Variants in YJU2 observed in about 807,000 individuals in gnomAD.
YJU2 encodes the protein YJU2 splicing factor homolog.
In YJU2, 28 loss-of-function variants were observed where a neutral mutation model predicts 39.6. The ratio of observed to expected loss-of-function variants is 0.71; its 90% CI spans 0.52 to 0.97. The LOEUF is 0.97. Among genes scored for constraint, YJU2 ranks in the 50% least tolerant of loss-of-function variants. The pLI is 0.00. For missense variants in YJU2, 328 were observed against 430.4 expected (o/e 0.76, Z 2.11); for synonymous variants, 184 against 182.4 (o/e 1.01, Z -0.07).
chr19:4,258,135 G>A, intron 4 of YJU2, 107 bp from the exon 5 acceptor site: 3 of 1,456,022 alleles, frequency 2.1e-6, no homozygotes, highest in East Asian at 2.5e-5. Flanking sequence ...ATGGAAACGT[G>A]GGGGTAGGGG....
intron 6 of YJU2, among the ~76,000 whole-genome samples, chr19:4,266,740 G>A (rs754232335): frequency 1.3e-5 from 2 of 152,190 alleles, no homozygotes; most frequent in Non-Finnish European, 2.9e-5. Context: ...CCAGCTCTTT[G>A]GGACGCTGAG....
chr19:4,268,597 C>T lies in YJU2; in HGVS notation c.873C>T (p.Asn291=). 1 of 1,612,436 alleles carries T rather than the reference C, an allele frequency of 6.2e-7. No homozygotes were observed. The highest frequency in any genetic ancestry group is 8.5e-7 in the Non-Finnish European group (1 of 1,179,194). Residue 291 remains asparagine (N), a synonymous_variant, in exon 8 of 8, where the codon AAC becomes AAT. Transcript: ENST00000262962. The part of the protein sequence containing the change: ...QAAPTPGAPQ[N]RKEANPTPLT... ...CTCTCCCACCAGGAGCCCCGCAGAACAGGAAGGAGGCCAACCCTACACCCC... is the reference window on the plus strand; with the variant it reads ...CTCTCCCACCAGGAGCCCCGCAGAATAGGAAGGAGGCCAACCCTACACCCC...
Position 4,258,222 on chromosome 19 carries a change from C to G in YJU2, c.406-20C>G. On this transcript the variant is annotated intron_variant, in intron 4 of 7. Transcript: ENST00000262962. ...GGTGCGATCCCCATGCACTCAGCCC[C>G]GCCGCCCCGCGCCCGCCAGGTGCTG... 6.5e-7 allele frequency: 1 copy of G among 1,549,642 alleles called. No homozygotes were observed.
At chr19:4,247,600 T>C (rs746664374) in intron 1 of YJU2, among the ~76,000 whole-genome samples, 15,494 of 26,890 alleles carry the variant, frequency 0.58, 4,716 homozygotes, top group African/African-American at 0.72. Context: ...TGTGTGTGTG[T>C]GTGTGTGTGT....
chr19:4,251,262 C>A, intron 3 of YJU2, 91 bp downstream of exon 3: 1 of 1,219,634 alleles, frequency 8.2e-7, no homozygotes, highest in Non-Finnish European at 1.2e-6. Flanking sequence ...CAATCCTCTC[C>A]ATCCAGGGAA....
intron 5 of YJU2, among the ~76,000 whole-genome samples, chr19:4,258,792 G>T (rs1046301118): frequency 6.6e-6 from 1 of 152,168 alleles, no homozygotes; most frequent in South Asian, 2.1e-4. Context: ...CGAGAAAGGC[G>T]CCATCACTAG....
At chr19:4,254,008 C>G (rs549582834) in intron 3 of YJU2, among the ~76,000 whole-genome samples, 76 of 152,212 alleles carry the variant, frequency 5.0e-4, no homozygotes, top group Admixed American at 7.9e-4. Context: ...CAGGGTTTCT[C>G]CATGTTGGCC....
intron 1 of YJU2, among the ~76,000 whole-genome samples, chr19:4,248,689 C>T (rs950900848): frequency 9.2e-5 from 14 of 152,134 alleles, no homozygotes; most frequent in Non-Finnish European, 1.6e-4. Flanking sequence ...GAGGCCAAGG[C>T]AGGTGGATCA....
chr19:4,258,344 G>A lies in YJU2; in HGVS notation c.508G>A (p.Glu170Lys). ...LNQRQAHVDF[E>K]AMLRQHRLSE... ...CCAGCGGCAGGCGCACGTGGACTTC[G>A]AGGCTATGCTGAGGCAGCACCGCCT... The change falls in exon 5 of 8, where the codon GAG (glutamate) becomes AAG (lysine). Residue 170 changes from glutamate to lysine, a missense_variant. By Grantham distance (56) the Glu-to-Lys change is moderately conservative. Around this residue, in one of 2 missense-constraint regions of YJU2, gnomAD observed 244 missense variants for 264.6 expected, o/e 0.92. Coordinates refer to ENST00000262962, the MANE Select transcript of YJU2 (RefSeq NM_018074.6). 2.5e-6 allele frequency: 4 copies of A among 1,590,880 alleles called. No homozygotes were observed. The highest frequency in any genetic ancestry group is 1.1e-5 in the South Asian group (1 of 87,112).
At chr19:4,247,251 T>C (rs1186650084) in intron 1 of YJU2, 81 bp downstream of exon 1, 2 of 1,293,568 alleles carry the variant, frequency 1.5e-6, no homozygotes, top group Non-Finnish European at 1.1e-6. Flanking sequence ...TCCTGAGATC[T>C]CTTCTTTGGA....
intron 5 of YJU2, among the ~76,000 whole-genome samples, chr19:4,261,541 A>G (rs1189464120): frequency 1.3e-5 from 2 of 151,026 alleles, no homozygotes; most frequent in Admixed American, 1.3e-4. Flanking sequence ...GGCACCTGTA[A>G]TCCCAGGTAC....
At position 4,258,416 on chromosome 19, in the gene YJU2, G is replaced by A. The variant is rs760791714; in HGVS notation, c.580G>A (p.Glu194Lys). The A allele has an allele frequency of 2.5e-6, 4 of 1,584,612 alleles. No homozygotes were observed. In the East Asian group the frequency reaches 6.8e-5, roughly 27 times the overall value. Reference sequence around the variant, plus strand: ...GCAGCAGCAGGAGGAGGACGAGCAGGAGACCGCGTGAGTCAGGGCCGGCCC... The same window carrying A: ...GCAGCAGCAGGAGGAGGACGAGCAGAAGACCGCGTGAGTCAGGGCCGGCCC... ...RRQQQEEDEQ[E>K]TAALLEEARK... The change falls in exon 5 of 8, where the codon GAG (glutamate) becomes AAG (lysine). Residue 194 changes from glutamate to lysine, a missense_variant. Glu to Lys is a moderately conservative substitution (Grantham distance 56). Transcript: ENST00000262962.
At chr19:4,247,387 T>C (rs995967262) in intron 1 of YJU2, 57 of 516,972 alleles carry the variant, frequency 1.1e-4, no homozygotes, top group South Asian at 2.5e-4. Context: ...GGGGTGTAGT[T>C]AGTCACCTGC....
At chr19:4,248,921 G>A (rs67598391) in intron 1 of YJU2, among the ~76,000 whole-genome samples, 12,691 of 152,076 alleles carry the variant, frequency 0.083, 777 homozygotes, top group Non-Finnish European at 0.11. Context: ...CTCCGTCTCA[G>A]AACAAAAACA....
intron 6 of YJU2, among the ~76,000 whole-genome samples, chr19:4,265,452 T>TA (rs1971108086): frequency 6.6e-6 from 1 of 151,482 alleles, no homozygotes; most frequent in Non-Finnish European, 1.5e-5. Flanking sequence ...TTTTTTTTTT[T>TA]AGAGGCGAGT....
chr19:4,247,579 GCGCGTGTGTGTGTGTGTGT>G (rs1970932191), intron 1 of YJU2, among the ~76,000 whole-genome samples: 3 of 52,688 alleles, frequency 5.7e-5, no homozygotes, highest in African/African-American at 3.6e-4. Flanking sequence ...GGGTGGGGTG[GCGCGTGTGTGTGTGTGTGT>G]GTGTGTGTGT....
At chr19:4,262,960 GCTA>G (rs1271478305) in intron 6 of YJU2, among the ~76,000 whole-genome samples, 1 of 151,584 alleles carries the variant, frequency 6.6e-6, no homozygotes, top group Non-Finnish European at 1.5e-5. Flanking sequence ...TGTAATCCCA[GCTA>G]CTCAGAAGGC....
At chr19:4,259,621 C>T (rs1971055079) in intron 5 of YJU2, among the ~76,000 whole-genome samples, 1 of 152,062 alleles carries the variant, frequency 6.6e-6, no homozygotes, top group Non-Finnish European at 1.5e-5. Context: ...CTCAAGCGAT[C>T]CTCCCACCTT....
intron 4 of YJU2, 126 bp from the exon 5 acceptor site, chr19:4,258,116 C>A (rs1343345940): frequency 2.2e-6 from 3 of 1,382,924 alleles, no homozygotes; most frequent in Non-Finnish European, 2.9e-6. Context: ...AGGGGGTTCC[C>A]TGAGCAGGAT....
Sources: gnomAD v4.1 joint callset for allele counts (sites outside exome capture counted in the v4.1 genomes callset) on GRCh38, gnomAD v4.1.1 for gene constraint, gnomAD v4.1.1 regional missense constraint, MANE v1.5 for transcripts, NCBI Gene and HGNC (gene_info 2026-07-23, HGNC 2026-07-21) for gene names.